Variants in LRMDA observed in about 807,000 individuals in gnomAD.
LRMDA encodes the protein leucine-rich melanocyte differentiation-associated protein.
LRMDA carries 18 observed loss-of-function variants against 29.8 expected under a neutral mutation model. That is an observed-to-expected ratio of 0.60 (90% CI 0.42 to 0.90). The LOEUF is 0.90. Ranked by LOEUF, LRMDA falls within the 40% of genes least tolerant of loss-of-function variation. The probability of loss-of-function intolerance (pLI) is 0.00; values close to 1 mark genes in which losing one functional copy is unlikely to be tolerated. For synonymous variants in LRMDA, 125 were observed against 109.4 expected, an observed-to-expected ratio of 1.14 and a Z score of -0.89; for missense variants, 273 against 273.9, an observed-to-expected ratio of 1.00 and a Z score of 0.02.
chr10:75,968,625 G>A (rs111869639), intron 2 of LRMDA, among the ~76,000 whole-genome samples: 14 of 152,308 alleles, frequency 9.2e-5, no homozygotes, highest in African/African-American at 2.9e-4. Context: ...TAAACTAGGA[G>A]CCACCATAAT....
At chr10:76,222,331 C>T (rs1421081031) in intron 5 of LRMDA, among the ~76,000 whole-genome samples, 1 of 152,110 alleles carries the variant, frequency 6.6e-6, no homozygotes, top group African/African-American at 2.4e-5. Flanking sequence ...AGTGAACAGG[C>T]AACCTACAAA....
rs374546462 is a variant in LRMDA, at chr10:76,055,241, C to T, written c.399-3425C>T. On this transcript the variant is annotated intron_variant, in intron 4 of 6. Coordinates refer to ENST00000611255, the MANE Select transcript of LRMDA (RefSeq NM_001305581.2). The stretch of plus-strand genomic sequence containing the variant: ...CAATAGACTGAGGCCAGGGAGGAAA[C>T]AGGAAGTAGCCAGAGTCAAATTTCC... Among the ~76,000 whole-genome samples, 9 of 152,102 alleles carry T rather than the reference C, an allele frequency of 5.9e-5. No individual in the cohort carries two copies. In the East Asian group the frequency reaches 1.5e-3, roughly 26 times the overall value.
At chr10:75,450,824 T>C (rs1418175058) in intron 2 of LRMDA, 1 of 152,256 alleles carries the variant, frequency 6.6e-6, no homozygotes, top group Non-Finnish European at 1.5e-5. Flanking sequence ...CAAAGCCCCG[T>C]AGGCATGGAG....
intron 2 of LRMDA, among the ~76,000 whole-genome samples, chr10:75,833,365 G>A (rs1415317649): frequency 1.7e-4 from 26 of 151,962 alleles, no homozygotes; most frequent in Non-Finnish European, 1.5e-5. Context: ...TCAAGAAGAT[G>A]TATCTTGTTC....
chr10:75,655,750 T>C (rs1252514000), intron 2 of LRMDA, among the ~76,000 whole-genome samples: 1 of 152,224 alleles, frequency 6.6e-6, no homozygotes, highest in Non-Finnish European at 1.5e-5. Context: ...TTGGTTCCCC[T>C]GCCCTGAAAG....
chr10:76,420,410 G>C (rs1330138303), intron 6 of LRMDA, among the ~76,000 whole-genome samples: 2 of 151,524 alleles, frequency 1.3e-5, no homozygotes, highest in Non-Finnish European at 3.0e-5. Context: ...ATTGTAATTT[G>C]GTACCTTTTC....
chr10:76,226,549 C>T (rs762894625), intron 5 of LRMDA, among the ~76,000 whole-genome samples: 3 of 152,178 alleles, frequency 2.0e-5, no homozygotes, highest in African/African-American at 4.8e-5. Context: ...CGCCATTGCA[C>T]TCCAGCCTTG....
chr10:76,431,809 T>C lies in LRMDA; in HGVS notation c.601+107324T>C, dbSNP rs1027921464. On this transcript the variant is annotated intron_variant, in intron 6 of 6. Transcript: ENST00000611255. ...AACCTGGTGGGAGGTAATTGAATAA[T>C]GGGGGTGGTCTCCCGTGCTGTTCAC... is the stretch of plus-strand genomic sequence containing the variant. 9.2e-5 allele frequency among the ~76,000 whole-genome samples: 14 copies of C among 152,258 alleles called. No individual in the cohort carries two copies. The East Asian group carries it at 2.5e-3, about 27-fold the overall frequency.
At chr10:75,817,513 G>A (rs548745976) in intron 2 of LRMDA, among the ~76,000 whole-genome samples, 16 of 152,322 alleles carry the variant, frequency 1.1e-4, no homozygotes, top group African/African-American at 3.6e-4. Flanking sequence ...ATATGTGCTA[G>A]AAGTGGTCAG....
intron 5 of LRMDA, among the ~76,000 whole-genome samples, chr10:76,281,475 AG>A (rs1234372708): frequency 6.6e-6 from 1 of 152,108 alleles, no homozygotes; most frequent in Non-Finnish European, 1.5e-5. Flanking sequence ...TATATCCAAT[AG>A]GTGGCTCATT....
intron 5 of LRMDA, among the ~76,000 whole-genome samples, chr10:76,265,092 C>G (rs1369078675): frequency 6.6e-6 from 1 of 152,116 alleles, no homozygotes; most frequent in Non-Finnish European, 1.5e-5. Flanking sequence ...ATATTTGATC[C>G]CCATGGCCTC....
intron 6 of LRMDA, among the ~76,000 whole-genome samples, chr10:76,452,789 C>T (rs1842419326): frequency 6.6e-6 from 1 of 152,196 alleles, no homozygotes; most frequent in Non-Finnish European, 1.5e-5. Context: ...GTTTTATTCA[C>T]TCATACACTT....
intron 2 of LRMDA, among the ~76,000 whole-genome samples, chr10:75,473,450 G>A (rs1448380820): frequency 4.6e-5 from 7 of 152,338 alleles, no homozygotes; most frequent in Middle Eastern, 6.8e-3. Context: ...GAAGTTCAGT[G>A]ATTTCTCTAC....
chr10:75,905,419 A>G (rs962167923), intron 2 of LRMDA, among the ~76,000 whole-genome samples: 6 of 152,104 alleles, frequency 3.9e-5, no homozygotes, highest in Non-Finnish European at 8.8e-5. Flanking sequence ...AATAGCTAAA[A>G]AAGAATAATT....
intron 2 of LRMDA, among the ~76,000 whole-genome samples, chr10:75,987,267 T>C (rs557413152): frequency 6.6e-6 from 1 of 152,326 alleles, no homozygotes; most frequent in Non-Finnish European, 1.5e-5. Flanking sequence ...TAAAAATAAA[T>C]ATAAGGAGGA....
chr10:76,367,986 T>C (rs1841411645), intron 6 of LRMDA, among the ~76,000 whole-genome samples: 1 of 152,218 alleles, frequency 6.6e-6, no homozygotes, highest in Non-Finnish European at 1.5e-5. Flanking sequence ...TTGGATCTTC[T>C]GTCTTCTTTT....
At chr10:76,365,365 G>A (rs1032933842) in intron 6 of LRMDA, among the ~76,000 whole-genome samples, 2 of 151,784 alleles carry the variant, frequency 1.3e-5, no homozygotes, top group East Asian at 1.9e-4. Flanking sequence ...ATTTCCACCC[G>A]CAGTGTAGAA....
intron 5 of LRMDA, among the ~76,000 whole-genome samples, chr10:76,238,349 GCAAGATGGC>G (rs374109529): frequency 1.1e-3 from 168 of 152,238 alleles, no homozygotes; most frequent in African/African-American, 3.9e-3. Flanking sequence ...AAGACTTTTA[GCAAGATGGC>G]CAAGTTCATG....
intron 6 of LRMDA, among the ~76,000 whole-genome samples, chr10:76,387,093 G>A (rs1228661950): frequency 6.6e-6 from 1 of 152,128 alleles, no homozygotes; most frequent in Non-Finnish European, 1.5e-5. Context: ...CTTTTTAGAA[G>A]TAACTTATTT....
Sources: gnomAD v4.1 joint callset for allele counts (sites outside exome capture counted in the v4.1 genomes callset) on GRCh38, gnomAD v4.1.1 for gene constraint, MANE v1.5 for transcripts, NCBI Gene and HGNC (gene_info 2026-07-23, HGNC 2026-07-21) for gene names.